The following ZFP64 variants were observed in gnomAD, a reference collection of about 807,000 sequenced individuals.
ZFP64 encodes zinc finger protein 64.
ZFP64 carries 14 observed loss-of-function variants against 51.6 expected under a neutral mutation model. That is an observed-to-expected ratio of 0.27 (90% CI 0.18 to 0.42). ZFP64 has a LOEUF of 0.42. ZFP64 is among the 10% of genes least tolerant of loss of function. The pLI is 1.00. For synonymous variants in ZFP64, 375 were observed against 361.4 expected (o/e 1.04, Z -0.43); for missense variants, 754 against 906.8 (o/e 0.83, Z 2.16).
At chr20:52,176,281 G>C (rs1983205841) in intron 2 of ZFP64, among the ~76,000 whole-genome samples, 1 of 152,016 alleles carries the variant, frequency 6.6e-6, no homozygotes. Context: ...AGACTAAGAC[G>C]CTCAGGTTTG....
downstream of ZFP64, among the ~76,000 whole-genome samples, chr20:52,147,199 G>C (rs1980569244): frequency 6.6e-6 from 1 of 152,020 alleles, no homozygotes; most frequent in African/African-American, 2.4e-5. Flanking sequence ...CATTATATAA[G>C]GTCTGTGTTT....
intron 2 of ZFP64, among the ~76,000 whole-genome samples, chr20:52,173,824 T>G (rs906565231): frequency 6.6e-6 from 1 of 151,996 alleles, no homozygotes; most frequent in African/African-American, 2.4e-5. Flanking sequence ...AATTTTTGTA[T>G]TTTTAGCAGA....
At chr20:52,126,470 C>T (rs1979450801) in intron 5 of ZFP64, among the ~76,000 whole-genome samples, 1 of 152,190 alleles carries the variant, frequency 6.6e-6, no homozygotes, top group South Asian at 2.1e-4. Context: ...CTTTGAATGA[C>T]AGCACCTGCC....
At chr20:52,115,412 CTTTTT>C (rs764698548) in intron 5 of ZFP64, among the ~76,000 whole-genome samples, 1 of 124,114 alleles carries the variant, frequency 8.1e-6, no homozygotes. Flanking sequence ...CTCGCTACAG[CTTTTT>C]TTTTTTTTTT....
At chr20:52,100,973 T>TA (rs2079043967) in intron 5 of ZFP64, among the ~76,000 whole-genome samples, 1 of 152,190 alleles carries the variant, frequency 6.6e-6, no homozygotes, top group Non-Finnish European at 1.5e-5. Context: ...ACAAGTGATC[T>TA]AGTCCAGTGG....
intron 1 of ZFP64, among the ~76,000 whole-genome samples, chr20:52,189,716 C>T (rs1372130380): frequency 6.6e-6 from 1 of 151,996 alleles, no homozygotes; most frequent in African/African-American, 2.4e-5. Context: ...TCATGTGATC[C>T]GCCCGCCTCA....
Position 52,143,513 on chromosome 20 carries a change from T to C in ZFP64, c.763+16610A>G, listed in dbSNP as rs571169667. The stretch of plus-strand genomic sequence containing the variant: ...CTATAGAGGTTAGTGCTCTTTATTG[T>C]TGTTTTTGAGCTATTTTACGACTTA... On this transcript the variant is annotated intron_variant, in intron 5 of 8. Transcript: ENST00000361387. Among the ~76,000 whole-genome samples, 305 of 142,758 alleles carry C rather than the reference T, an allele frequency of 2.1e-3. 25 individuals carry two copies. The highest frequency in any genetic ancestry group is 7.6e-3 in the African/African-American group (303 of 40,000). The allele number at this position is 142,758 out of a possible 152,430, so 93.7% of individuals were successfully genotyped here.
At chr20:52,121,502 C>T (rs1341902647) in intron 5 of ZFP64, among the ~76,000 whole-genome samples, 1 of 152,128 alleles carries the variant, frequency 6.6e-6, no homozygotes. Flanking sequence ...CAGAGCAGGG[C>T]CCTACCTCTA....
At chr20:52,139,029 A>G (rs546872998) in intron 5 of ZFP64, among the ~76,000 whole-genome samples, 1 of 152,304 alleles carries the variant, frequency 6.6e-6, no homozygotes, top group Admixed American at 6.5e-5. Context: ...AAAAGTCAGA[A>G]AACTAAAGAT....
At chr20:52,183,491 C>T (rs1041978726) in intron 2 of ZFP64, among the ~76,000 whole-genome samples, 1 of 152,180 alleles carries the variant, frequency 6.6e-6, no homozygotes, top group Non-Finnish European at 1.5e-5. Context: ...CCAGGACTGT[C>T]CTGAAGTTCC....
At chr20:52,157,125 G>A (rs1981382741) in intron 5 of ZFP64, among the ~76,000 whole-genome samples, 1 of 152,162 alleles carries the variant, frequency 6.6e-6, no homozygotes, top group Non-Finnish European at 1.5e-5. Flanking sequence ...TGTGAAATAA[G>A]GGGTCTGAAT....
At chr20:52,145,651 A>G (rs552609898) in intron 5 of ZFP64, among the ~76,000 whole-genome samples, 1 of 152,276 alleles carries the variant, frequency 6.6e-6, no homozygotes, top group African/African-American at 2.4e-5. Flanking sequence ...AAACAAAACA[A>G]AACAAAACAA....
intron 7 of ZFP64, chr20:52,088,647 C>T (rs1249172921): frequency 1.2e-6 from 2 of 1,614,062 alleles, no homozygotes; most frequent in Non-Finnish European, 1.7e-6. Context: ...TTGTCTCCTT[C>T]AAACACATAA....
rs1317703242 is a variant in ZFP64 at position 52,165,897 on chromosome 20, G to A, written c.415C>T (p.Pro139Ser). ...CAACAGTTAAGCCTTTTCTGAGCAG[G>A]TGGTGTTGTGGGCTTTTTGGTGCGT... is the stretch of plus-strand genomic sequence containing the variant. ...KSRTKKPTTPPAQKRLNCCYP... is the reference protein window; with the variant it reads ...KSRTKKPTTPSAQKRLNCCYP... Residue 139 changes from proline to serine, a missense_variant, in exon 3 of 6, where the codon CCT becomes TCT. By Grantham distance (74) the Pro-to-Ser change is moderately conservative. This residue lies in a region of ZFP64 where 231 missense variants were observed against 336.7 expected (regional missense o/e 0.69). Coordinates refer to ENST00000216923, the MANE Select transcript of ZFP64 (RefSeq NM_018197.3). The A allele has an allele frequency of 2.5e-6, 4 of 1,614,148 alleles. No homozygotes were observed. The highest frequency in any genetic ancestry group is 1.7e-5 in the Admixed American group (1 of 60,010).
intron 5 of ZFP64, among the ~76,000 whole-genome samples, chr20:52,119,586 C>CACACACATACAT (rs1454068867): frequency 2.1e-5 from 3 of 145,940 alleles, no homozygotes; most frequent in African/African-American, 5.1e-5. Context: ...AACACACACA[C>CACACACATACAT]ACACACACAC....
At chr20:52,177,154 A>C (rs1313524819) in intron 2 of ZFP64, among the ~76,000 whole-genome samples, 1 of 151,442 alleles carries the variant, frequency 6.6e-6, no homozygotes, top group Non-Finnish European at 1.5e-5. Flanking sequence ...CTTCTGGTTG[A>C]ATGGTTCTCA....
chr20:52,112,082 CAAAAAA>C (rs375422075), intron 5 of ZFP64, among the ~76,000 whole-genome samples: 1 of 78,394 alleles, frequency 1.3e-5, no homozygotes, highest in Non-Finnish European at 2.4e-5. Context: ...ACTCTATCTC[CAAAAAA>C]AAAAAAAAAA....
downstream of ZFP64, among the ~76,000 whole-genome samples, chr20:52,148,797 T>A (rs1387576021): frequency 6.6e-6 from 1 of 151,856 alleles, no homozygotes; most frequent in African/African-American, 2.4e-5. Context: ...AAAACCAGTT[T>A]AATCTCAGGG....
chr20:52,108,507 CTT>C (rs879700921), intron 5 of ZFP64, among the ~76,000 whole-genome samples: 1 of 144,334 alleles, frequency 6.9e-6, no homozygotes. Context: ...AGTTTATTAC[CTT>C]TTTTTTTTTT....
Sources: gnomAD v4.1 joint callset for allele counts (sites outside exome capture counted in the v4.1 genomes callset) on GRCh38, gnomAD v4.1.1 for gene constraint, gnomAD v4.1.1 regional missense constraint, MANE v1.5 for transcripts, NCBI Gene and HGNC (gene_info 2026-07-23, HGNC 2026-07-21) for gene names.